Variants in TENM4 observed in about 807,000 individuals in gnomAD.
TENM4 encodes teneurin transmembrane protein 4.
Under a neutral mutation model 243.3 loss-of-function variants are expected in TENM4, and 82 were observed. The ratio of observed to expected loss-of-function variants is 0.34; its 90% confidence interval spans 0.28 to 0.40. TENM4 has a LOEUF of 0.40. TENM4 is among the 10% of genes least tolerant of loss of function. TENM4 has a pLI of 1.00. For missense variants in TENM4, 3,138 were observed against 3,673.3 expected (o/e 0.85, Z 3.77); for synonymous variants, 1,412 against 1,456.3 (o/e 0.97, Z 0.69).
chr11:79,281,697 G>C (rs956037569), intron 2 of TENM4, among the ~76,000 whole-genome samples: 10 of 152,178 alleles, frequency 6.6e-5, no homozygotes, highest in African/African-American at 2.4e-4. Flanking sequence ...CCCATCTAAG[G>C]ACAATTCTGC....
chr11:79,137,733 C>T (rs1862138743), intron 4 of TENM4, among the ~76,000 whole-genome samples: 1 of 152,092 alleles, frequency 6.6e-6, no homozygotes, highest in African/African-American at 2.4e-5. Context: ...GATTTATTAA[C>T]TTCACGTCAA....
chr11:78,701,148 T>C (rs190990447), intron 28 of TENM4, among the ~76,000 whole-genome samples: 59 of 152,312 alleles, frequency 3.9e-4, no homozygotes, highest in African/African-American at 1.3e-3. Context: ...CTTGCCACAT[T>C]TGTGGACAGT....
At chr11:78,717,111 C>T (rs779902927) in intron 25 of TENM4, among the ~76,000 whole-genome samples, 2 of 152,208 alleles carry the variant, frequency 1.3e-5, no homozygotes, top group African/African-American at 2.4e-5. Context: ...TAAGGACCCA[C>T]ATTCTCTTCC....
intron 2 of TENM4, among the ~76,000 whole-genome samples, chr11:79,279,741 G>A (rs923751974): frequency 6.6e-6 from 1 of 152,120 alleles, no homozygotes; most frequent in Admixed American, 6.5e-5. Context: ...TTCCCTCTGC[G>A]TACTTTTCTG....
intron 16 of TENM4, among the ~76,000 whole-genome samples, chr11:78,786,496 T>C (rs1286059865): frequency 6.6e-6 from 1 of 152,254 alleles, no homozygotes; most frequent in Non-Finnish European, 1.5e-5. Flanking sequence ...TTCACATGTA[T>C]TATTATCCCC....
chr11:78,729,707 G>A lies in TENM4; in HGVS notation c.3139-64C>T. The A allele has an allele frequency of 2.6e-6, 4 of 1,536,052 alleles. No individual in the cohort carries two copies. In the South Asian group the frequency reaches 3.8e-5, roughly 14 times the overall value. On this transcript the variant is annotated intron_variant, in intron 21 of 33. Coordinates refer to ENST00000278550, the MANE Select transcript of TENM4 (RefSeq NM_001098816.3). ...CGACTCACCGAGTGGAGGGAAGATGGCGTGGCCCCATGGACTCTGGGTGTT... is the reference window on the plus strand; with the variant it reads ...CGACTCACCGAGTGGAGGGAAGATGACGTGGCCCCATGGACTCTGGGTGTT...
chr11:79,431,984 G>A (rs963268369), intron 1 of TENM4, among the ~76,000 whole-genome samples: 7 of 152,106 alleles, frequency 4.6e-5, no homozygotes, highest in African/African-American at 1.7e-4. Context: ...CTGCACTGTC[G>A]AGTATGGCAG....
intron 1 of TENM4, among the ~76,000 whole-genome samples, chr11:79,321,965 T>C (rs1402749688): frequency 1.3e-5 from 2 of 152,142 alleles, no homozygotes; most frequent in Non-Finnish European, 2.9e-5. Context: ...TGGGCCAAAA[T>C]GGGATTACAT....
At chr11:78,747,056 A>G (rs1460015379) in intron 19 of TENM4, among the ~76,000 whole-genome samples, 1 of 152,224 alleles carries the variant, frequency 6.6e-6, no homozygotes, top group African/African-American at 2.4e-5. Flanking sequence ...GGGAGTCTGC[A>G]CAAAGTTCAG....
At chr11:79,221,966 T>A (rs555022435) in intron 2 of TENM4, among the ~76,000 whole-genome samples, 1 of 152,362 alleles carries the variant, frequency 6.6e-6, no homozygotes, top group South Asian at 2.1e-4. Flanking sequence ...TGGCCTGGTT[T>A]CCACTCCGTG....
chr11:78,749,392 G>A (rs1404619288), intron 19 of TENM4: 2 of 142,512 alleles, frequency 1.4e-5, no homozygotes, highest in East Asian at 4.1e-4. Flanking sequence ...GGGGTACCCT[G>A]TCAGCTCAGC....
At chr11:78,708,540 G>A (rs1262077337) in intron 26 of TENM4, 25 bp from the exon 27 acceptor site, 1 of 1,611,024 alleles carries the variant, frequency 6.2e-7, no homozygotes, top group Non-Finnish European at 8.5e-7. Context: ...GCCAAAACAG[G>A]AACTCAGCAT....
chr11:79,243,711 G>C (rs1463687986), intron 2 of TENM4, among the ~76,000 whole-genome samples: 3 of 152,326 alleles, frequency 2.0e-5, no homozygotes, highest in East Asian at 3.9e-4. Flanking sequence ...GGGACTGTGG[G>C]AGGCATTTTC....
At chr11:79,004,391 G>A (rs2136717206) in intron 6 of TENM4, among the ~76,000 whole-genome samples, 1 of 152,104 alleles carries the variant, frequency 6.6e-6, no homozygotes, top group South Asian at 2.1e-4. Flanking sequence ...ACAATCATCG[G>A]CAAATTAAGA....
chr11:79,162,733 C>T (rs188734126), intron 3 of TENM4, among the ~76,000 whole-genome samples: 11 of 152,274 alleles, frequency 7.2e-5, no homozygotes, highest in Middle Eastern at 3.4e-3. Context: ...GTTGGGTTTG[C>T]GGGCTCACCC....
intron 16 of TENM4, among the ~76,000 whole-genome samples, chr11:78,786,078 C>T (rs900078859): frequency 6.6e-6 from 1 of 152,188 alleles, no homozygotes; most frequent in Non-Finnish European, 1.5e-5. Context: ...TTGGTGAGTG[C>T]TCATTCCAGG....
At chr11:78,837,788 C>T (rs181828374) in intron 12 of TENM4, among the ~76,000 whole-genome samples, 2 of 152,252 alleles carry the variant, frequency 1.3e-5, no homozygotes, top group Admixed American at 6.5e-5. Flanking sequence ...ATAGTTCAGA[C>T]TTTTATGATA....
chr11:79,320,912 T>C (rs1470406430), intron 1 of TENM4, among the ~76,000 whole-genome samples: 1 of 152,174 alleles, frequency 6.6e-6, no homozygotes, highest in Non-Finnish European at 1.5e-5. Flanking sequence ...AAAACTGAGC[T>C]AGGTGTCTCT....
At chr11:78,785,703 T>G (rs1052949792) in intron 16 of TENM4, among the ~76,000 whole-genome samples, 1 of 152,140 alleles carries the variant, frequency 6.6e-6, no homozygotes, top group Non-Finnish European at 1.5e-5. Flanking sequence ...ATGTAAGGTA[T>G]TCCATGGCCA....
Sources: allele counts gnomAD v4.1 joint callset (sites outside exome capture counted in the v4.1 genomes callset), GRCh38; gene constraint gnomAD v4.1.1; transcripts MANE v1.5; gene names NCBI Gene and HGNC (gene_info 2026-07-23, HGNC 2026-07-21).